DAGLB: variants seen among roughly 807,000 people sequenced by gnomAD.
The protein encoded by DAGLB is diacylglycerol lipase beta.
A neutral mutation model predicts 72.1 loss-of-function variants in DAGLB; 66 were observed. The ratio of observed to expected loss-of-function variants is 0.92; its 90% confidence interval spans 0.75 to 1.12. DAGLB has a LOEUF of 1.12. Among genes scored for constraint, DAGLB ranks in the 50% most tolerant of loss-of-function variants. DAGLB has a pLI of 0.00. For synonymous variants in DAGLB, 414 were observed against 359.5 expected, an observed-to-expected ratio of 1.15 and a Z score of -1.71; for missense variants, 1,065 against 884.9, an observed-to-expected ratio of 1.20 and a Z score of -2.58.
chr7:6,417,958 C>T (rs889671413), intron 9 of DAGLB, among the ~76,000 whole-genome samples: 5 of 152,104 alleles, frequency 3.3e-5, no homozygotes, highest in African/African-American at 1.2e-4. Context: ...GCAACCTCTG[C>T]CTCCTGGGTT....
chr7:6,447,712 G>A (rs1390782113), intron 1 of DAGLB, 36 bp downstream of exon 1: 1 of 1,599,112 alleles, frequency 6.3e-7, no homozygotes, highest in Non-Finnish European at 8.5e-7. Flanking sequence ...CTCCCTCTCC[G>A]GTGGGCTCCA....
chr7:6,440,914 G>A (rs974917213), intron 2 of DAGLB, among the ~76,000 whole-genome samples: 2 of 151,568 alleles, frequency 1.3e-5, no homozygotes, highest in African/African-American at 4.8e-5. Flanking sequence ...TCCTTTACAT[G>A]TTCATGTTCT....
chr7:6,433,033 T>G, intron 4 of DAGLB, 74 bp from the exon 5 acceptor site: 1 of 1,553,308 alleles, frequency 6.4e-7, no homozygotes. Flanking sequence ...AATCCAGTCT[T>G]CTATAGTTGA....
chr7:6,440,130 G>A (rs929507966), intron 2 of DAGLB, among the ~76,000 whole-genome samples: 34 of 151,864 alleles, frequency 2.2e-4, no homozygotes, highest in African/African-American at 7.5e-4. Flanking sequence ...AGTGGCTCAG[G>A]CTTGTAATCC....
intron 2 of DAGLB, among the ~76,000 whole-genome samples, chr7:6,437,781 T>G (rs1333142815): frequency 6.6e-6 from 1 of 152,110 alleles, no homozygotes; most frequent in African/African-American, 2.4e-5. Context: ...CCCTAGTAGC[T>G]GGGATTAGAG....
At position 6,427,000 on chromosome 7, in the gene DAGLB, C is replaced by T. The variant is rs529101605; in HGVS notation, c.930-886G>A. Among the ~76,000 whole-genome samples the T allele has an allele frequency of 1.1e-4, 17 of 152,138 alleles. No homozygotes were observed. The South Asian group carries it at 2.3e-3, about 20-fold the overall frequency. ...GCAGGCGCCTGTAATCCCAGCTACT[C>T]GGGACGCTGAGGCAGGAGACTTGCT... On this transcript the variant is annotated intron_variant, in intron 6 of 14. Transcript: ENST00000297056.
At chr7:6,440,703 T>C (rs1784803470) in intron 2 of DAGLB, among the ~76,000 whole-genome samples, 1 of 152,010 alleles carries the variant, frequency 6.6e-6, no homozygotes, top group Non-Finnish European at 1.5e-5. Flanking sequence ...ACATGGTTTC[T>C]ACAAAAAAAC....
chr7:6,442,947 G>A (rs1033928818), intron 2 of DAGLB, among the ~76,000 whole-genome samples: 1 of 151,338 alleles, frequency 6.6e-6, no homozygotes, highest in Non-Finnish European at 1.5e-5. Flanking sequence ...GCTGAGGCGG[G>A]CGGATCACGA....
chr7:6,412,244 A>G (rs2115237575), intron 13 of DAGLB, among the ~76,000 whole-genome samples: 1 of 152,258 alleles, frequency 6.6e-6, no homozygotes, highest in South Asian at 2.1e-4. Flanking sequence ...ACCATGTTAA[A>G]AAACCCTTGA....
chr7:6,430,730 C>G, intron 5 of DAGLB, 123 bp from the exon 6 acceptor site: 1 of 1,145,514 alleles, frequency 8.7e-7, no homozygotes, highest in Non-Finnish European at 1.1e-6. Context: ...GAATAGAACT[C>G]TCAGACGCCC....
chr7:6,446,060 A>G lies in DAGLB; in HGVS notation c.140T>C (p.Leu47Pro), dbSNP rs2115303306. Residue 47 changes from leucine to proline, a missense_variant, in exon 2 of 15, where the codon CTG becomes CCG. Physicochemically the swap from Leu to Pro is moderately conservative, Grantham distance 98. Coordinates refer to ENST00000297056, the MANE Select transcript of DAGLB (RefSeq NM_139179.4). ...GAGCAAGGCTCCACCAGCACAGTCCAGCTTTCCTCTGTGCATGAGATACAA... is the reference window on the plus strand; with the variant it reads ...GAGCAAGGCTCCACCAGCACAGTCCGGCTTTCCTCTGTGCATGAGATACAA... ...LTLYLMHRGK[L>P]DCAGGALLSS... is the part of the protein sequence containing the mutation. The G allele has an allele frequency of 6.2e-7, 1 of 1,612,266 alleles. No homozygotes were observed.
chr7:6,414,112 G>C (rs1290392128), intron 11 of DAGLB, among the ~76,000 whole-genome samples: 1 of 152,020 alleles, frequency 6.6e-6, no homozygotes, highest in Non-Finnish European at 1.5e-5. Flanking sequence ...CCAGGTTCAC[G>C]CCATTCTCCT....
intron 2 of DAGLB, among the ~76,000 whole-genome samples, chr7:6,439,693 C>A (rs1784766329): frequency 6.6e-6 from 1 of 152,122 alleles, no homozygotes; most frequent in South Asian, 2.1e-4. Context: ...AAGGGTGGAC[C>A]ATCTCCAATC....
intron 13 of DAGLB, among the ~76,000 whole-genome samples, chr7:6,412,123 C>T (rs1243595224): frequency 6.6e-6 from 1 of 152,132 alleles, no homozygotes; most frequent in African/African-American, 2.4e-5. Context: ...CCATGTCGAC[C>T]ACTCTGGTCT....
At chr7:6,418,450 T>C (rs1048474054) in intron 9 of DAGLB, among the ~76,000 whole-genome samples, 2 of 152,098 alleles carry the variant, frequency 1.3e-5, no homozygotes, top group Admixed American at 1.3e-4. Context: ...TAAAAAAATT[T>C]TTAAAAAAGA....
In DAGLB at chr7:6,432,907, T is replaced by C. The variant is rs555568853; in HGVS notation, c.731A>G (p.Gln244Arg). 3.1e-6 allele frequency: 5 copies of C among 1,613,808 alleles called. No individual in the cohort carries two copies. In the South Asian group the frequency reaches 4.4e-5, roughly 14 times the overall value. ...DIAAGLALLH[Q>R]QQDNIRNNQE... ...GTTGTTCCTGATATTGTCCTGTTGC[T>C]GATGAAGCAGGGCGAGGCCCGCCGC... The change falls in exon 5 of 15, where the codon CAG (glutamine) becomes CGG (arginine). Residue 244 changes from glutamine (Q) to arginine (R), a missense_variant. Transcript: ENST00000297056.
Position 6,434,903 on chromosome 7 carries a change from G to A in DAGLB, c.537C>T (p.Ser179=). 6.2e-7 allele frequency: 1 copy of A among 1,614,178 alleles called. No homozygotes were observed. Among genetic ancestry groups the A allele is most frequent in the Non-Finnish European group, 8.5e-7 (1 of 1,180,048 alleles). The change falls in exon 4 of 15, where the codon AGC becomes AGT. Residue 179 remains serine, a synonymous_variant. Coordinates refer to ENST00000297056, the MANE Select transcript of DAGLB (RefSeq NM_139179.4). The part of the protein sequence containing the change: ...GPSHLDSHDS[S]QLLNGLKTAA... ...CTGTCTTGAGGCCATTAAGTAACTG[G>A]CTTGAATCATGACTATCCAGGTGGC...
chr7:6,416,396 T>G, intron 11 of DAGLB: 1 of 439,434 alleles, frequency 2.3e-6, no homozygotes, highest in Non-Finnish European at 3.8e-6. Context: ...ATACAAAAAT[T>G]AGCCGGCATG....
chr7:6,437,153 C>A (rs1479241970), intron 2 of DAGLB, among the ~76,000 whole-genome samples: 21 of 104,900 alleles, frequency 2.0e-4, no homozygotes, highest in East Asian at 4.6e-4. Flanking sequence ...GACTCCGTCT[C>A]AAAATAATAA....
Sources: allele counts gnomAD v4.1 joint callset (sites outside exome capture counted in the v4.1 genomes callset), GRCh38; gene constraint gnomAD v4.1.1; transcripts MANE v1.5; gene names NCBI Gene and HGNC (gene_info 2026-07-23, HGNC 2026-07-21).